The following TRMO variants were observed in gnomAD, a reference collection of about 807,000 sequenced individuals.
The protein encoded by TRMO is tRNA methyltransferase O.
A neutral mutation model predicts 37.2 loss-of-function variants in TRMO; 30 were observed. The ratio of observed to expected loss-of-function variants is 0.81; its 90% confidence interval spans 0.60 to 1.09. The LOEUF is 1.09. TRMO is among the 50% of genes least tolerant of loss of function. The pLI is 0.00. For synonymous variants in TRMO, 239 were observed against 199.4 expected (o/e 1.20, Z -1.67); for missense variants, 552 against 549.5 (o/e 1.00, Z -0.05).
At chr9:97,906,528 ACTT>A (rs1407727648) in intron 4 of TRMO, among the ~76,000 whole-genome samples, 4 of 152,214 alleles carry the variant, frequency 2.6e-5, no homozygotes, top group African/African-American at 7.2e-5. Context: ...TCCTGAAGTC[ACTT>A]CTTATTTCTG....
At chr9:97,921,236 C>G (rs1289561137) in intron 1 of TRMO, among the ~76,000 whole-genome samples, 1 of 152,162 alleles carries the variant, frequency 6.6e-6, no homozygotes, top group African/African-American at 2.4e-5. Context: ...TAACAGGAAG[C>G]TGGTTAAATT....
chr9:97,916,229 A>C lies in TRMO; in HGVS notation c.186T>G (p.Ile62Met). ...CAGGATTATTAAAGATCCTCTTTCT[A>C]ATCCTCAAACAGGCTCGAGAATAGC... Reference protein sequence around the residue: ...ICSYSRACLRIRKRIFNNPEH... With the variant: ...ICSYSRACLRMRKRIFNNPEH... Residue 62 changes from isoleucine to methionine, a missense_variant, in exon 2 of 5, where the codon ATT becomes ATG. Physicochemically the swap from Ile to Met is conservative, Grantham distance 10 (BLOSUM62 1). Coordinates refer to ENST00000375119, the MANE Select transcript of TRMO (RefSeq NM_016481.5). 6.2e-7 allele frequency: 1 copy of C among 1,613,690 alleles called. No homozygotes were observed. Among genetic ancestry groups the C allele is most frequent in the Non-Finnish European group, 8.5e-7 (1 of 1,179,688 alleles).
downstream of TRMO, among the ~76,000 whole-genome samples, chr9:97,899,519 A>T (rs1235726465): frequency 6.6e-6 from 1 of 151,622 alleles, no homozygotes; most frequent in African/African-American, 2.4e-5. Context: ...GCTCACTGCA[A>T]CCTCCATCTC....
chr9:97,909,478 T>G (rs1215631494), intron 4 of TRMO, among the ~76,000 whole-genome samples: 1 of 152,228 alleles, frequency 6.6e-6, no homozygotes, highest in South Asian at 2.1e-4. Context: ...AGTTCTGTGC[T>G]AAGAGACTCT....
At chr9:97,905,529 C>T (rs567643208) in intron 4 of TRMO, among the ~76,000 whole-genome samples, 7 of 152,294 alleles carry the variant, frequency 4.6e-5, no homozygotes, top group African/African-American at 1.7e-4. Context: ...GACTCTCTCA[C>T]ATCTGTGTCC....
intron 4 of TRMO, among the ~76,000 whole-genome samples, chr9:97,909,099 C>T (rs1026942250): frequency 6.6e-6 from 1 of 152,110 alleles, no homozygotes; most frequent in African/African-American, 2.4e-5. Flanking sequence ...AAATTACAGG[C>T]ACCTGCCACC....
chr9:97,901,237 C>T (rs535692789), downstream of TRMO, among the ~76,000 whole-genome samples: 1 of 109,026 alleles, frequency 9.2e-6, no homozygotes, highest in South Asian at 3.0e-4. Flanking sequence ...GTGCCATTTA[C>T]GCCTAGTAGA....
intron 1 of TRMO, among the ~76,000 whole-genome samples, chr9:97,919,645 C>T (rs1826534930): frequency 6.6e-6 from 1 of 152,152 alleles, no homozygotes; most frequent in Non-Finnish European, 1.5e-5. Context: ...GACTTCTGCC[C>T]TTGACTCTTT....
intron 4 of TRMO, 92 bp from the exon 5 acceptor site, chr9:97,905,084 A>G: frequency 7.4e-7 from 1 of 1,357,538 alleles, no homozygotes; most frequent in South Asian, 1.3e-5. Context: ...TTGGTTCCTT[A>G]AAGATCACTT....
At chr9:97,910,675 C>T (rs562591248) in intron 3 of TRMO, 59 bp from the exon 4 acceptor site, 24 of 1,571,466 alleles carry the variant, frequency 1.5e-5, no homozygotes, top group African/African-American at 6.7e-5. Flanking sequence ...AATACAGTCA[C>T]GCCCCAGAAT....
At position 97,922,381 on chromosome 9, in the gene TRMO, C is replaced by T. The variant is rs370149200; in HGVS notation, c.76+37G>A. The T allele has an allele frequency of 4.9e-6, 7 of 1,424,352 alleles. No individual in the cohort carries two copies. In the African/African-American group the frequency reaches 8.4e-5, roughly 17 times the overall value. The allele number at this position is 1,424,352 out of a possible 1,614,324, so 88.2% of individuals were successfully genotyped here. On this transcript the variant is annotated intron_variant, in intron 1 of 4. Coordinates refer to ENST00000375119, the MANE Select transcript of TRMO (RefSeq NM_016481.5). ...CGAAGTCCGCTGCCTGGGCCTAAAC[C>T]TCTCCAGAGTGTGGCACCGCCGGTG...
intron 4 of TRMO, among the ~76,000 whole-genome samples, chr9:97,905,870 T>C (rs1343921357): frequency 6.6e-6 from 1 of 152,102 alleles, no homozygotes; most frequent in African/African-American, 2.4e-5. Context: ...AAATCAATTA[T>C]ATGGGCTGGG....
Position 97,922,399 on chromosome 9 carries a change from C to T in TRMO, c.76+19G>A. On this transcript the variant is annotated intron_variant, in intron 1 of 4. Coordinates refer to ENST00000375119, the MANE Select transcript of TRMO (RefSeq NM_016481.5). ...CCTAAACCTCTCCAGAGTGTGGCAC[C>T]GCCGGTGTTGGAAGTTACCTGTCTC... 1 of 1,525,162 alleles carries T rather than the reference C, an allele frequency of 6.6e-7. No individual in the cohort carries two copies. Among genetic ancestry groups the T allele is most frequent in the Non-Finnish European group, 8.9e-7 (1 of 1,117,406 alleles). The allele number at this position is 1,525,162 out of a possible 1,614,324, so 94.5% of individuals were successfully genotyped here.
At chr9:97,905,884 G>T (rs147165584) in intron 4 of TRMO, among the ~76,000 whole-genome samples, 1 of 152,090 alleles carries the variant, frequency 6.6e-6, no homozygotes, top group African/African-American at 2.4e-5. Flanking sequence ...GGCTGGGCAC[G>T]GTGGCTCACA....
rs199639575 is a variant in TRMO, at chr9:97,908,625, G to A, written c.1066+1335C>T. On this transcript the variant is annotated intron_variant, in intron 4 of 4. Coordinates refer to ENST00000375119, the MANE Select transcript of TRMO (RefSeq NM_016481.5). ...AAAATAGTAACAACACTCCAAGCCT[G>A]CTGTATTCTTAAATTTTTCAGTAAC... 1.1e-4 allele frequency among the ~76,000 whole-genome samples: 17 copies of A among 152,176 alleles called. No individual in the cohort carries two copies. The East Asian group carries it at 2.9e-3, about 26-fold the overall frequency.
downstream of TRMO, among the ~76,000 whole-genome samples, chr9:97,899,781 C>T (rs1831126458): frequency 6.6e-6 from 1 of 151,832 alleles, no homozygotes; most frequent in South Asian, 2.1e-4. Context: ...TGTAGCCCCA[C>T]TACTCAAGAG....
chr9:97,906,782 C>T (rs1298900224), intron 4 of TRMO, among the ~76,000 whole-genome samples: 1 of 145,308 alleles, frequency 6.9e-6, no homozygotes, highest in African/African-American at 2.6e-5. Context: ...GAGGCGGTTG[C>T]GGTGAGCCGA....
Position 97,922,489 on chromosome 9 carries a change from C to T in TRMO, c.5G>A (p.Arg2His), listed in dbSNP as rs368353816. 2.5e-6 allele frequency: 4 copies of T among 1,574,736 alleles called. No individual in the cohort carries two copies. Among genetic ancestry groups the T allele is most frequent in the Non-Finnish European group, 3.4e-6 (4 of 1,162,090 alleles). The change falls in exon 1 of 5, where the codon CGC becomes CAC. Residue 2 changes from arginine (R) to histidine (H), a missense_variant. Transcript: ENST00000375119. ...CCGAGGCCCCGACTCCTCCAAGCCG[C>T]GCATGGCTACTGGTTGCTGAGGTGC... M[R>H]GLEESGPRPT...
intron 3 of TRMO, chr9:97,911,529 G>C (rs975918772): frequency 4.6e-5 from 7 of 152,332 alleles, no homozygotes; most frequent in Admixed American, 2.0e-4. Flanking sequence ...TTGCAGTCTA[G>C]TGAGACCTAA....
Sources: gnomAD v4.1 joint callset for allele counts (sites outside exome capture counted in the v4.1 genomes callset) on GRCh38, gnomAD v4.1.1 for gene constraint, MANE v1.5 for transcripts, NCBI Gene and HGNC (gene_info 2026-07-23, HGNC 2026-07-21) for gene names.